The following CDK15 variants were observed in gnomAD, a reference collection of about 807,000 sequenced individuals.
CDK15 encodes the protein cyclin dependent kinase 15, also known as cyclin-dependent kinase 15.
A neutral mutation model predicts 60.3 loss-of-function variants in CDK15; 62 were observed. The ratio of observed to expected loss-of-function variants is 1.03; its 90% CI spans 0.84 to 1.27. CDK15 has a LOEUF of 1.27. Among genes scored for constraint, CDK15 ranks in the 50% most tolerant of loss-of-function variants. The probability of loss-of-function intolerance (pLI) is 0.00; values close to 1 mark genes in which losing one functional copy is unlikely to be tolerated. For synonymous variants in CDK15, 194 were observed against 195.7 expected (o/e 0.99, Z 0.07); for missense variants, 541 against 527.8 (o/e 1.03, Z -0.25).
chr2:201,848,153 G>T (rs1458882859), intron 9 of CDK15, among the ~76,000 whole-genome samples: 2 of 152,078 alleles, frequency 1.3e-5, no homozygotes, highest in Admixed American at 1.3e-4. Flanking sequence ...TAGAACAGAG[G>T]CTTTCCCTCT....
intron 10 of CDK15, among the ~76,000 whole-genome samples, chr2:201,861,781 G>A (rs1260718166): frequency 2.6e-5 from 4 of 151,882 alleles, no homozygotes; most frequent in East Asian, 1.9e-4. Context: ...GGCTGGTCTC[G>A]AACTCCTGAC....
chr2:201,825,895 A>G (rs1035446785), intron 6 of CDK15, among the ~76,000 whole-genome samples: 1 of 152,188 alleles, frequency 6.6e-6, no homozygotes, highest in African/African-American at 2.4e-5. Context: ...GGCTTCAAGG[A>G]CCTACAGGTG....
chr2:201,841,230 A>G (rs1023070964), intron 8 of CDK15, among the ~76,000 whole-genome samples: 5 of 152,216 alleles, frequency 3.3e-5, no homozygotes, highest in African/African-American at 1.2e-4. Context: ...TTTTTACCAC[A>G]TATACAAAAA....
chr2:201,862,374 T>C (rs188231799), intron 10 of CDK15, among the ~76,000 whole-genome samples: 2 of 152,222 alleles, frequency 1.3e-5, no homozygotes, highest in Admixed American at 1.3e-4. Context: ...CTAGTGCTTC[T>C]AGTATTTTAC....
intron 10 of CDK15, among the ~76,000 whole-genome samples, chr2:201,869,272 C>G (rs12386167): frequency 6.6e-6 from 1 of 151,572 alleles, no homozygotes; most frequent in East Asian, 1.9e-4. Flanking sequence ...AGCAAACTAT[C>G]GCAAGGACAG....
intron 9 of CDK15, among the ~76,000 whole-genome samples, chr2:201,851,674 T>C (rs1000396986): frequency 6.6e-6 from 1 of 152,090 alleles, no homozygotes; most frequent in African/African-American, 2.4e-5. Flanking sequence ...CCACTTTTTT[T>C]TTGGAGACCG....
intron 10 of CDK15, among the ~76,000 whole-genome samples, chr2:201,868,124 T>C (rs1698703213): frequency 6.6e-6 from 1 of 152,072 alleles, no homozygotes; most frequent in African/African-American, 2.4e-5. Flanking sequence ...AGAATTTTAG[T>C]AGAAGACATT....
chr2:201,867,972 C>T (rs1157422394), intron 10 of CDK15, among the ~76,000 whole-genome samples: 3 of 152,140 alleles, frequency 2.0e-5, no homozygotes, highest in Admixed American at 2.0e-4. Flanking sequence ...TCTCAAAGCT[C>T]GTAAGTGGCA....
chr2:201,879,750 T>A (rs2105831183), intron 11 of CDK15, among the ~76,000 whole-genome samples: 1 of 152,270 alleles, frequency 6.6e-6, no homozygotes, highest in Non-Finnish European at 1.5e-5. Flanking sequence ...TTTCTGTGTC[T>A]TTTATGTGTA....
Position 201,843,693 on chromosome 2 carries a change from A to T in CDK15, c.852-3688A>T, listed in dbSNP as rs76150973. The stretch of plus-strand genomic sequence containing the variant: ...TATAAATGAGTAACCTTAGACTTAG[A>T]TTTGTTAGATGAGGAAGGTTTCAAC... On this transcript the variant is annotated intron_variant, in intron 8 of 13. Coordinates refer to ENST00000652192, the MANE Select transcript of CDK15 (RefSeq NM_001366386.2). 4.1e-4 allele frequency among the ~76,000 whole-genome samples: 62 copies of T among 152,280 alleles called. No homozygotes were observed. In the East Asian group the frequency reaches 0.01, roughly 25 times the overall value.
chr2:201,861,565 CT>C (rs869051401), intron 10 of CDK15: 123,087 of 613,496 alleles, frequency 0.2, no homozygotes, highest in Non-Finnish European at 0.22. Flanking sequence ...TTTTTTTTTT[CT>C]TTTTTTTTTT....
chr2:201,890,936 T>C lies in CDK15; in HGVS notation c.*33+9T>C. 6.9e-7 allele frequency: 1 copy of C among 1,459,838 alleles called. No homozygotes were observed. Among genetic ancestry groups the C allele is most frequent in the Non-Finnish European group, 9.6e-7 (1 of 1,044,354 alleles). 90.4% of individuals were successfully genotyped at this position (1,459,838 alleles called of 1,614,324 possible). On this transcript the variant is annotated intron_variant, in intron 13 of 13. Transcript: ENST00000652192. ...CACCAAGGTTCTTCCAGGTAAGTGG[T>C]TGCAACAGTGAGGTTCCTTATGGAA...
chr2:201,866,010 ATGTGTG>A (rs72270010), intron 10 of CDK15, among the ~76,000 whole-genome samples: 22,337 of 139,616 alleles, frequency 0.16, 2,226 homozygotes, highest in African/African-American at 0.3. Context: ...ACATGAGTGA[ATGTGTG>A]TGTGTGTGTG....
At chr2:201,867,844 G>A (rs1177301959) in intron 10 of CDK15, among the ~76,000 whole-genome samples, 5 of 152,144 alleles carry the variant, frequency 3.3e-5, no homozygotes, top group Admixed American at 2.6e-4. Context: ...GAGCCCCTAC[G>A]ACTGGCCACG....
In CDK15 at chr2:201,882,676, C is replaced by T. The variant is rs1044163682; in HGVS notation, c.1198+2509C>T. Among the ~76,000 whole-genome samples the T allele has an allele frequency of 6.6e-5, 9 of 135,886 alleles. No individual in the cohort carries two copies. Among genetic ancestry groups the T allele is most frequent in the African/African-American group, 1.1e-4 (4 of 37,370 alleles). The allele number at this position is 135,886 out of a possible 152,430, so 89.1% of individuals were successfully genotyped here. A position where few individuals can be genotyped will look rare whatever the true frequency, so the allele number is the denominator to read the frequency against. On this transcript the variant is annotated intron_variant, in intron 12 of 13. Transcript: ENST00000652192. This position sits in a 1 kb window ranked among gnomAD's most constrained non-coding sequence, Gnocchi z 4.0. ...GTGTGTGCTCGTGCACATGAGTGCACGAGCATGTGTGTGTGCTTGTGTATG... is the reference window on the plus strand; with the variant it reads ...GTGTGTGCTCGTGCACATGAGTGCATGAGCATGTGTGTGTGCTTGTGTATG...
intron 11 of CDK15, among the ~76,000 whole-genome samples, chr2:201,873,979 G>A (rs1029307671): frequency 2.7e-5 from 4 of 148,990 alleles, no homozygotes; most frequent in Non-Finnish European, 2.9e-5. Flanking sequence ...GCTTGAACCC[G>A]GGAGGCGGAG....
chr2:201,809,424 A>G (rs1695655129), intron 3 of CDK15, among the ~76,000 whole-genome samples: 4 of 151,900 alleles, frequency 2.6e-5, no homozygotes, highest in Admixed American at 6.6e-5. Context: ...CATTTATTAG[A>G]TTTTCTTTTC....
intron 6 of CDK15, among the ~76,000 whole-genome samples, chr2:201,833,213 G>GA (rs991688466): frequency 6.9e-6 from 1 of 145,698 alleles, no homozygotes; most frequent in South Asian, 2.2e-4. Context: ...TTTTTTTGAG[G>GA]GGGGGGGTCT....
chr2:201,823,010 A>G, intron 5 of CDK15, 107 bp downstream of exon 5: 1 of 728,962 alleles, frequency 1.4e-6, no homozygotes, highest in East Asian at 2.5e-5. Flanking sequence ...ATAATGTGAA[A>G]AGTATCATGG....
Sources: allele counts gnomAD v4.1 joint callset (sites outside exome capture counted in the v4.1 genomes callset), GRCh38; gene constraint gnomAD v4.1.1; non-coding constraint Gnocchi (gnomAD v3.1); transcripts MANE v1.5; gene names NCBI Gene and HGNC (gene_info 2026-07-23, HGNC 2026-07-21).